VAV3: variants seen among roughly 807,000 people sequenced by gnomAD.
The protein encoded by VAV3 is guanine nucleotide exchange factor VAV3.
In VAV3, 94 loss-of-function variants were observed where a neutral mutation model predicts 131.2. That is an observed-to-expected ratio of 0.72 (90% CI 0.61 to 0.85). VAV3 has a LOEUF of 0.85. VAV3 is among the 40% of genes least tolerant of loss of function. VAV3 has a pLI of 0.00. For missense variants in VAV3, 939 were observed against 1,002.7 expected (o/e 0.94, Z 0.86); for synonymous variants, 349 against 342.0 (o/e 1.02, Z -0.22).
chr1:107,913,389 C>G (rs1292391080), intron 1 of VAV3, among the ~76,000 whole-genome samples: 1 of 152,132 alleles, frequency 6.6e-6, no homozygotes, highest in African/African-American at 2.4e-5. Context: ...GTATACACAA[C>G]CAAGAGTACA....
chr1:107,633,751 C>T (rs905059742), intron 20 of VAV3, among the ~76,000 whole-genome samples: 4 of 152,082 alleles, frequency 2.6e-5, no homozygotes, highest in African/African-American at 9.7e-5. Flanking sequence ...GAGCCAGCTA[C>T]CATATAGGAA....
At chr1:107,636,730 A>T (rs1654957642) in intron 20 of VAV3, among the ~76,000 whole-genome samples, 1 of 152,184 alleles carries the variant, frequency 6.6e-6, no homozygotes, top group African/African-American at 2.4e-5. Flanking sequence ...ACCATCATAA[A>T]ATTGAAAAAT....
intron 19 of VAV3, among the ~76,000 whole-genome samples, chr1:107,680,046 G>C (rs1050281351): frequency 4.6e-5 from 7 of 152,202 alleles, no homozygotes; most frequent in Middle Eastern, 3.4e-3. Context: ...TGCAAATATT[G>C]TCTATAAAGA....
chr1:107,764,043 T>C (rs555003367), intron 9 of VAV3, among the ~76,000 whole-genome samples: 2 of 151,038 alleles, frequency 1.3e-5, no homozygotes, highest in East Asian at 1.9e-4. Flanking sequence ...AAAAGTTCTT[T>C]GAAAGCATGA....
intron 16 of VAV3, 43 bp from the exon 17 acceptor site, chr1:107,704,693 A>C (rs140008865): frequency 6.8e-5 from 101 of 1,488,168 alleles, no homozygotes; most frequent in Non-Finnish European, 8.7e-5. Flanking sequence ...ACGGTGCAAA[A>C]TTCTGCCCAT....
intron 2 of VAV3, among the ~76,000 whole-genome samples, chr1:107,799,495 T>C (rs192740306): frequency 6.6e-6 from 1 of 152,230 alleles, no homozygotes; most frequent in Non-Finnish European, 1.5e-5. Context: ...CTGGCATAAA[T>C]ATAGAATAAT....
intron 6 of VAV3, among the ~76,000 whole-genome samples, chr1:107,770,385 G>A (rs1557835243): frequency 6.6e-6 from 1 of 151,982 alleles, no homozygotes; most frequent in East Asian, 1.9e-4. Flanking sequence ...CCTCCCATGG[G>A]AAAAAGTGTC....
At position 107,584,733 on chromosome 1, in the gene VAV3, AACT is replaced by A. The variant is rs1466274199; in HGVS notation, c.2351-10538_2351-10536del. On this transcript the variant is annotated intron_variant, in intron 25 of 26. Coordinates refer to ENST00000370056, the MANE Select transcript of VAV3 (RefSeq NM_006113.5). ...ATGTCTAGGATTATTGTAAAAAATAAACTACTACTTAGTATTCAATGCTACAGA... is the reference window on the plus strand; with the variant it reads ...ATGTCTAGGATTATTGTAAAAAATAAACTACTTAGTATTCAATGCTACAGA... Among the ~76,000 whole-genome samples the A allele has an allele frequency of 3.9e-5, 6 of 152,210 alleles. No individual in the cohort carries two copies. In the East Asian group the frequency reaches 1.2e-3, roughly 29 times the overall value.
intron 22 of VAV3, chr1:107,609,726 C>G (rs530830000): frequency 1.9e-5 from 10 of 540,448 alleles, no homozygotes; most frequent in African/African-American, 1.7e-4. Context: ...ACTGGGCACT[C>G]GCATGCACAC....
At chr1:107,630,774 G>A (rs1166314983) in intron 20 of VAV3, among the ~76,000 whole-genome samples, 2 of 152,108 alleles carry the variant, frequency 1.3e-5, no homozygotes, top group Non-Finnish European at 2.9e-5. Flanking sequence ...AGGGGCCACT[G>A]TAAACATGCC....
At chr1:107,594,227 A>G (rs897676441) in intron 25 of VAV3, among the ~76,000 whole-genome samples, 4 of 152,042 alleles carry the variant, frequency 2.6e-5, no homozygotes, top group African/African-American at 9.7e-5. Flanking sequence ...AACTCCTCCA[A>G]ACCAGACTTG....
chr1:107,658,665 A>G (rs1656768410), intron 19 of VAV3, among the ~76,000 whole-genome samples: 1 of 151,900 alleles, frequency 6.6e-6, no homozygotes, highest in African/African-American at 2.4e-5. Context: ...ATGGTATCTT[A>G]TTGTGGTTTT....
chr1:107,598,363 A>G (rs1161656164), intron 24 of VAV3, among the ~76,000 whole-genome samples: 1 of 152,072 alleles, frequency 6.6e-6, no homozygotes, highest in African/African-American at 2.4e-5. Flanking sequence ...TCTCAAAACA[A>G]AACAAAACAA....
At chr1:107,654,979 T>C (rs558422272) in intron 19 of VAV3, among the ~76,000 whole-genome samples, 9 of 152,122 alleles carry the variant, frequency 5.9e-5, no homozygotes, top group African/African-American at 2.2e-4. Flanking sequence ...GCCAAGAAGT[T>C]ATAAATCATC....
chr1:107,937,946 C>T (rs1370622078), intron 1 of VAV3, among the ~76,000 whole-genome samples: 1 of 152,096 alleles, frequency 6.6e-6, no homozygotes, highest in African/African-American at 2.4e-5. Context: ...GGCCAGCAAC[C>T]CTCAACTCAA....
chr1:107,915,341 C>A (rs1672556395), intron 1 of VAV3, among the ~76,000 whole-genome samples: 1 of 152,126 alleles, frequency 6.6e-6, no homozygotes, highest in Non-Finnish European at 1.5e-5. Context: ...GCTTTTAATG[C>A]AAACCCAAAA....
chr1:107,787,416 G>A (rs1666067795), intron 2 of VAV3, among the ~76,000 whole-genome samples: 1 of 152,210 alleles, frequency 6.6e-6, no homozygotes, highest in South Asian at 2.1e-4. Context: ...AGTATGACAA[G>A]CAACATCTGA....
intron 25 of VAV3, among the ~76,000 whole-genome samples, chr1:107,593,075 A>C (rs1211584980): frequency 6.6e-6 from 1 of 152,064 alleles, no homozygotes. Flanking sequence ...GTCATTCCAA[A>C]GACAAAGATA....
intron 15 of VAV3, among the ~76,000 whole-genome samples, chr1:107,720,595 T>C (rs1346116625): frequency 6.6e-6 from 1 of 152,046 alleles, no homozygotes; most frequent in African/African-American, 2.4e-5. Flanking sequence ...GGAAAATCAC[T>C]TGAACCCAGG....
Sources: allele counts gnomAD v4.1 joint callset (sites outside exome capture counted in the v4.1 genomes callset), GRCh38; gene constraint gnomAD v4.1.1; transcripts MANE v1.5; gene names NCBI Gene and HGNC (gene_info 2026-07-23, HGNC 2026-07-21).